ABCC9: variants seen among roughly 807,000 people sequenced by gnomAD.
ABCC9 encodes the protein ATP binding cassette subfamily C member 9.
Under a neutral mutation model 188.3 loss-of-function variants are expected in ABCC9, and 95 were observed. The ratio of observed to expected loss-of-function variants is 0.50; its 90% CI spans 0.43 to 0.60. The LOEUF is 0.60. ABCC9 is among the 20% of genes least tolerant of loss of function. The pLI is 0.00. For missense variants in ABCC9, 1,102 were observed against 1,876.3 expected (o/e 0.59, Z 7.62); for synonymous variants, 659 against 652.7 (o/e 1.01, Z -0.15).
rs534070724 is a variant in ABCC9, at chr12:21,930,418, G to A, written c.284+3364C>T. Among the ~76,000 whole-genome samples, 210 of 152,070 alleles carry A rather than the reference G, an allele frequency of 1.4e-3. 2 individuals are homozygous for A. Among genetic ancestry groups the A allele is most frequent in the African/African-American group, 4.7e-3 (196 of 41,492 alleles). ...AATTCAAATTTTTTTTTACAAATGA[G>A]GTTTTCAAAAAAGCAGACCTCTGAA... On this transcript the variant is annotated intron_variant, in intron 4 of 39. Coordinates refer to ENST00000261200, the MANE Select transcript of ABCC9 (RefSeq NM_020297.4).
intron 16 of ABCC9, among the ~76,000 whole-genome samples, chr12:21,882,037 A>G (rs1946647217): frequency 6.6e-6 from 1 of 152,088 alleles, no homozygotes; most frequent in Admixed American, 6.6e-5. Flanking sequence ...GGAGAGAGAG[A>G]CCTAAACATA....
At chr12:21,858,163 C>G (rs1031850907) in intron 22 of ABCC9, among the ~76,000 whole-genome samples, 2 of 152,096 alleles carry the variant, frequency 1.3e-5, no homozygotes, top group East Asian at 3.9e-4. Flanking sequence ...GGAAGAAAGC[C>G]ACACCCAGGG....
chr12:21,829,187 ATT>A (rs1412445941), intron 30 of ABCC9, 127 bp from the exon 31 acceptor site: 2 of 132,710 alleles, frequency 1.5e-5, no homozygotes, highest in African/African-American at 8.3e-5. Context: ...CAGTAAATAG[ATT>A]TCTTTTTTTT....
At chr12:21,938,047 G>T (rs374746837) in intron 2 of ABCC9, 2 of 150,722 alleles carry the variant, frequency 1.3e-5, no homozygotes, top group Admixed American at 6.7e-5. Context: ...ATTGATAATT[G>T]ATTTAGCAAT....
In ABCC9 at chr12:21,801,178, G is replaced by A; in HGVS notation, c.4516C>T (p.Arg1506Ter). ...ADRTVVTIAH[R>*]VHTILTADLV... ...TCTGCCGTCAGAATAGTGTGTACTCGATGCTGTGAGTGAAAAGAAAACATG... is the reference window on the plus strand; with the variant it reads ...TCTGCCGTCAGAATAGTGTGTACTCAATGCTGTGAGTGAAAAGAAAACATG... The change falls in exon 40 of 40, where the codon CGA becomes TGA. Residue 1506 changes from arginine to a stop codon, truncating the protein, a stop_gained. Transcript: ENST00000261200. LOFTEE classifies it high-confidence loss of function. 1 of 1,613,782 alleles carries A rather than the reference G, an allele frequency of 6.2e-7. No homozygotes were observed. Among genetic ancestry groups the A allele is most frequent in the Non-Finnish European group, 8.5e-7 (1 of 1,179,886 alleles).
chr12:21,899,318 A>G (rs922166829), intron 12 of ABCC9, among the ~76,000 whole-genome samples: 6 of 152,182 alleles, frequency 3.9e-5, no homozygotes, highest in African/African-American at 1.4e-4. Context: ...TAAGAATGCT[A>G]TGATTTCGAG....
chr12:21,918,584 C>A (rs1409169788), intron 5 of ABCC9, among the ~76,000 whole-genome samples: 2 of 152,096 alleles, frequency 1.3e-5, no homozygotes, highest in Non-Finnish European at 2.9e-5. Context: ...ACAAACTGAG[C>A]AGCTTAAAAC....
In ABCC9 at chr12:21,799,636, A is replaced by G. The variant is rs1941339264; in HGVS notation, c.*1408T>C. 6.6e-6 allele frequency: 1 copy of G among 152,224 alleles called. No homozygotes were observed. Among genetic ancestry groups the G allele is most frequent in the African/African-American group, 2.4e-5 (1 of 41,468 alleles). The allele number at this position is 152,224 out of a possible 1,614,324, so 9.4% of individuals were successfully genotyped here. ...CATATTCTGGATACACAACTATTACATATTTTCCAAGAGTGAATACACCAT... is the reference window on the plus strand; with the variant it reads ...CATATTCTGGATACACAACTATTACGTATTTTCCAAGAGTGAATACACCAT... On this transcript the variant is annotated 3_prime_UTR_variant, in exon 40 of 40. Transcript: ENST00000261200.
chr12:21,851,053 C>T (rs546637858), intron 24 of ABCC9, among the ~76,000 whole-genome samples: 3 of 151,958 alleles, frequency 2.0e-5, no homozygotes, highest in African/African-American at 7.2e-5. Flanking sequence ...ATCTTCCTCT[C>T]TCTATGGAGA....
intron 18 of ABCC9, 29 bp downstream of exon 18, chr12:21,872,596 C>T: frequency 6.7e-7 from 1 of 1,488,368 alleles, no homozygotes; most frequent in Non-Finnish European, 9.4e-7. Context: ...TATGACATAG[C>T]AATGGAAGCC....
chr12:21,808,857 C>G (rs1003401760), intron 37 of ABCC9, among the ~76,000 whole-genome samples: 2 of 151,652 alleles, frequency 1.3e-5, no homozygotes, highest in African/African-American at 4.8e-5. Flanking sequence ...ACAACCTGAC[C>G]CTGGCAAGTC....
chr12:21,865,202 A>T (rs929840083), intron 18 of ABCC9, among the ~76,000 whole-genome samples: 23 of 152,172 alleles, frequency 1.5e-4, no homozygotes, highest in African/African-American at 5.3e-4. Flanking sequence ...AAATAATTAA[A>T]GCCTACAGAA....
intron 24 of ABCC9, among the ~76,000 whole-genome samples, chr12:21,851,833 A>G (rs1011450226): frequency 4.6e-5 from 7 of 152,226 alleles, no homozygotes; most frequent in African/African-American, 1.7e-4. Flanking sequence ...AAACACACAT[A>G]TAATTGCACT....
At chr12:21,905,740 T>C (rs186879349) in intron 12 of ABCC9, among the ~76,000 whole-genome samples, 72 of 152,278 alleles carry the variant, frequency 4.7e-4, no homozygotes, top group African/African-American at 1.6e-3. Context: ...AACAAAGTTT[T>C]ACTTTTTTAC....
chr12:21,830,353 A>G (rs1441234966), intron 30 of ABCC9, among the ~76,000 whole-genome samples: 2 of 152,206 alleles, frequency 1.3e-5, no homozygotes, highest in Non-Finnish European at 2.9e-5. Context: ...AGGTAGGGAA[A>G]ATACCAAATC....
chr12:21,814,824 A>G, intron 34 of ABCC9, 102 bp from the exon 35 acceptor site: 1 of 883,744 alleles, frequency 1.1e-6, no homozygotes, highest in Non-Finnish European at 1.9e-6. Flanking sequence ...TAAAACTGTA[A>G]TTATGTTTAA....
At chr12:21,813,624 T>C (rs1380217931) in intron 35 of ABCC9, among the ~76,000 whole-genome samples, 1 of 152,206 alleles carries the variant, frequency 6.6e-6, no homozygotes, top group Non-Finnish European at 1.5e-5. Context: ...AGTTGATTTT[T>C]GATCACTTAA....
chr12:21,931,961 T>C (rs1949307420), intron 4 of ABCC9, among the ~76,000 whole-genome samples: 1 of 152,108 alleles, frequency 6.6e-6, no homozygotes, highest in Admixed American at 6.5e-5. Flanking sequence ...GTTGGTTCCA[T>C]GACAAATGCT....
chr12:21,803,247 G>A (rs1469758756), intron 39 of ABCC9, among the ~76,000 whole-genome samples: 5 of 151,974 alleles, frequency 3.3e-5, no homozygotes, highest in East Asian at 1.9e-4. Flanking sequence ...AATATTAGCT[G>A]TTCAATAGCC....
Sources: gnomAD v4.1 joint callset for allele counts (sites outside exome capture counted in the v4.1 genomes callset) on GRCh38, gnomAD v4.1.1 for gene constraint, MANE v1.5 for transcripts, NCBI Gene and HGNC (gene_info 2026-07-23, HGNC 2026-07-21) for gene names.